DCC: variants seen among roughly 807,000 people sequenced by gnomAD.
The protein encoded by DCC is netrin receptor DCC.
DCC carries 58 observed loss-of-function variants against 172.5 expected under a neutral mutation model. The observed-to-expected ratio is 0.34, with a 90% confidence interval of 0.27 to 0.42. DCC has a LOEUF of 0.42. Among genes scored for constraint, DCC ranks in the 10% least tolerant of loss-of-function variants. The pLI is 1.00. For synonymous variants in DCC, 709 were observed against 644.5 expected, an observed-to-expected ratio of 1.10 and a Z score of -1.52; for missense variants, 1,740 against 1,791.0, an observed-to-expected ratio of 0.97 and a Z score of 0.51.
At chr18:52,880,905 G>A (rs1003388641) in intron 2 of DCC, among the ~76,000 whole-genome samples, 4 of 152,040 alleles carry the variant, frequency 2.6e-5, no homozygotes, top group African/African-American at 4.8e-5. Flanking sequence ...TTATATGATA[G>A]TTCTATTTTT....
intron 12 of DCC, among the ~76,000 whole-genome samples, chr18:53,260,672 C>T (rs2144681213): frequency 1.3e-5 from 2 of 152,274 alleles, no homozygotes; most frequent in South Asian, 4.2e-4. Context: ...GAGGAGGCAG[C>T]CTGTCCATTG....
intron 22 of DCC, among the ~76,000 whole-genome samples, chr18:53,446,932 T>C (rs920717438): frequency 4.6e-5 from 7 of 152,122 alleles, no homozygotes; most frequent in Non-Finnish European, 1.0e-4. Flanking sequence ...ACAATAAGGG[T>C]GTGGTGTGAC....
At chr18:52,370,229 A>G (rs180811561) in intron 1 of DCC, among the ~76,000 whole-genome samples, 13 of 152,334 alleles carry the variant, frequency 8.5e-5, no homozygotes, top group Non-Finnish European at 1.0e-4. Context: ...ATTACTGGGT[A>G]TGTACCCGAA....
intron 9 of DCC, among the ~76,000 whole-genome samples, chr18:53,198,625 T>C (rs988197905): frequency 6.6e-6 from 1 of 152,198 alleles, no homozygotes; most frequent in Non-Finnish European, 1.5e-5. Context: ...AATTTTTATA[T>C]ATAGTCAGAA....
chr18:52,345,559 G>C (rs1423341511), intron 1 of DCC, among the ~76,000 whole-genome samples: 1 of 152,080 alleles, frequency 6.6e-6, no homozygotes, highest in African/African-American at 2.4e-5. Flanking sequence ...AGCCTGCTGT[G>C]GGCTGCTTGC....
chr18:53,006,973 T>G (rs1264872603), intron 5 of DCC, among the ~76,000 whole-genome samples: 2 of 152,224 alleles, frequency 1.3e-5, no homozygotes, highest in Non-Finnish European at 2.9e-5. Context: ...AATGGTATAT[T>G]CAACAGAAGC....
intron 9 of DCC, among the ~76,000 whole-genome samples, chr18:53,190,031 A>G (rs552310380): frequency 1.3e-5 from 2 of 152,298 alleles, no homozygotes; most frequent in South Asian, 4.1e-4. Context: ...GGTTCAAGTG[A>G]TTCTCCTGCC....
intron 5 of DCC, among the ~76,000 whole-genome samples, chr18:53,024,121 T>C (rs79467805): frequency 1.3e-5 from 2 of 152,254 alleles, no homozygotes; most frequent in South Asian, 2.1e-4. Context: ...GAAGAAAATA[T>C]ACTAAGAGCA....
chr18:53,188,006 A>C (rs1375935725), intron 9 of DCC, among the ~76,000 whole-genome samples: 2 of 152,166 alleles, frequency 1.3e-5, no homozygotes, highest in Non-Finnish European at 2.9e-5. Context: ...AAGCAATGGA[A>C]CTCTAAGCCC....
chr18:52,597,224 C>G (rs557939491), intron 1 of DCC, among the ~76,000 whole-genome samples: 1 of 152,146 alleles, frequency 6.6e-6, no homozygotes, highest in Non-Finnish European at 1.5e-5. Flanking sequence ...TTGCTGTTAA[C>G]GAGGTTGCTT....
intron 1 of DCC, among the ~76,000 whole-genome samples, chr18:52,746,466 C>G (rs2036907257): frequency 6.6e-6 from 1 of 151,992 alleles, no homozygotes; most frequent in South Asian, 2.1e-4. Context: ...CATTTTGGAC[C>G]TGGAAAGAGA....
chr18:53,329,116 GT>G (rs915153496), intron 14 of DCC, among the ~76,000 whole-genome samples: 1 of 152,086 alleles, frequency 6.6e-6, no homozygotes, highest in Non-Finnish European at 1.5e-5. Context: ...GAATTAGGCA[GT>G]TTTTTAAAAA....
chr18:53,043,103 G>A (rs901390930), intron 5 of DCC, among the ~76,000 whole-genome samples: 2 of 151,964 alleles, frequency 1.3e-5, no homozygotes, highest in Admixed American at 6.6e-5. Context: ...TAAAAAAAAT[G>A]TGGCACATAT....
At chr18:52,693,957 G>C (rs187101477) in intron 1 of DCC, among the ~76,000 whole-genome samples, 2 of 152,196 alleles carry the variant, frequency 1.3e-5, no homozygotes, top group African/African-American at 4.8e-5. Context: ...GTGTGGGCAG[G>C]ACTTAGTGAC....
chr18:53,351,369 G>GTA (rs367935409), intron 15 of DCC, among the ~76,000 whole-genome samples: 3,306 of 31,698 alleles, frequency 0.1, 451 homozygotes, highest in Non-Finnish European at 0.15. Flanking sequence ...TATATATACT[G>GTA]TATATATATA....
intron 1 of DCC, among the ~76,000 whole-genome samples, chr18:52,739,386 C>A (rs1010630987): frequency 6.6e-6 from 1 of 152,036 alleles, no homozygotes. Flanking sequence ...TTGTTAAATA[C>A]CTCTGAAATA....
intron 1 of DCC, among the ~76,000 whole-genome samples, chr18:52,597,017 T>A (rs1028629983): frequency 6.6e-6 from 1 of 150,542 alleles, no homozygotes; most frequent in African/African-American, 2.4e-5. Context: ...GGCTTTGTGA[T>A]TTTTTTTTTC....
chr18:53,525,657 AGT>A (rs1179971490), intron 27 of DCC, among the ~76,000 whole-genome samples: 1 of 152,096 alleles, frequency 6.6e-6, no homozygotes, highest in African/African-American at 2.4e-5. Flanking sequence ...TATTTTCCAC[AGT>A]GTAGTCCAAA....
chr18:52,486,142 G>T (rs117986841), intron 1 of DCC, among the ~76,000 whole-genome samples: 1 of 151,868 alleles, frequency 6.6e-6, no homozygotes, highest in African/African-American at 2.4e-5. Flanking sequence ...TTATTTTATC[G>T]CCTTATTTTT....
Sources: allele counts gnomAD v4.1 joint callset (sites outside exome capture counted in the v4.1 genomes callset), GRCh38; gene constraint gnomAD v4.1.1; transcripts MANE v1.5; gene names NCBI Gene and HGNC (gene_info 2026-07-23, HGNC 2026-07-21).